The following VWA5A variants were observed in gnomAD, a reference collection of about 807,000 sequenced individuals.
The protein encoded by VWA5A is von Willebrand factor A domain-containing protein 5A.
VWA5A carries 77 observed loss-of-function variants against 84.6 expected under a neutral mutation model. The observed-to-expected ratio is 0.91, with a 90% CI of 0.76 to 1.10. VWA5A has a LOEUF of 1.10. VWA5A is among the 50% of genes least tolerant of loss of function. VWA5A has a pLI of 0.00. For missense variants in VWA5A, 973 were observed against 963.0 expected, an observed-to-expected ratio of 1.01 and a Z score of -0.14; for synonymous variants, 334 against 350.1, an observed-to-expected ratio of 0.95 and a Z score of 0.51.
At chr11:124,145,442 C>T in intron 18 of VWA5A, 79 bp downstream of exon 18, 1 of 1,468,518 alleles carries the variant, frequency 6.8e-7, no homozygotes, top group Non-Finnish European at 9.1e-7. Context: ...GTCCCATTGT[C>T]ACCTGCCTCC....
chr11:124,124,279 G>T lies in VWA5A; in HGVS notation c.1207G>T (p.Val403Leu), dbSNP rs768784128. The T allele has an allele frequency of 6.8e-6, 11 of 1,613,980 alleles. No individual in the cohort carries two copies. Among genetic ancestry groups the T allele is most frequent in the Non-Finnish European group, 9.3e-6 (11 of 1,179,984 alleles). ...TGGAGAAGTTACAGACACGTTTAGT[G>T]TAATTAAAGAAGTTAGGATCAACAG... Reference protein sequence around the residue: ...TDGEVTDTFSVIKEVRINRQK... With the variant: ...TDGEVTDTFSLIKEVRINRQK... Residue 403 changes from valine (V) to leucine (L), a missense_variant, in exon 11 of 19, where the codon GTA becomes TTA. Transcript: ENST00000456829.
At chr11:124,128,034 A>G (rs1039849927) in intron 11 of VWA5A, among the ~76,000 whole-genome samples, 2 of 152,082 alleles carry the variant, frequency 1.3e-5, no homozygotes, top group African/African-American at 2.4e-5. Context: ...CCATTTGTCA[A>G]TTTTGACTTT....
Position 124,117,724 on chromosome 11 carries a change from G to C in VWA5A, c.95G>C (p.Gly32Ala), listed in dbSNP as rs1565613445. The part of the protein sequence containing the change: ...VSVNIYEFVA[G>A]VSATLNYENE... Reference sequence around the variant, plus strand: ...GTGAACATTTACGAGTTTGTGGCTGGTGTGTCTGCAACTTTGAACTACGAG... The same window carrying C: ...GTGAACATTTACGAGTTTGTGGCTGCTGTGTCTGCAACTTTGAACTACGAG... Residue 32 changes from glycine (G) to alanine (A), a missense_variant, in exon 4 of 19, where the codon GGT (glycine) becomes GCT (alanine). Coordinates refer to ENST00000456829, the MANE Select transcript of VWA5A (RefSeq NM_001130142.2). 2.5e-6 allele frequency: 4 copies of C among 1,614,214 alleles called. No homozygotes were observed. Among genetic ancestry groups the C allele is most frequent in the South Asian group, 2.2e-5 (2 of 91,086 alleles).
intron 11 of VWA5A, among the ~76,000 whole-genome samples, chr11:124,126,194 A>G (rs1056315319): frequency 6.6e-6 from 1 of 152,216 alleles, no homozygotes; most frequent in Non-Finnish European, 1.5e-5. Flanking sequence ...TTCATTTCAT[A>G]ACCAAGACTG....
chr11:124,145,013 C>G (rs1377909228), intron 17 of VWA5A, among the ~76,000 whole-genome samples: 1 of 152,132 alleles, frequency 6.6e-6, no homozygotes, highest in Non-Finnish European at 1.5e-5. Context: ...GGTGGTTACA[C>G]TGGATTTAAA....
At chr11:124,122,924 T>A in intron 7 of VWA5A, 36 bp from the exon 8 acceptor site, 1 of 1,580,360 alleles carries the variant, frequency 6.3e-7, no homozygotes, top group Non-Finnish European at 8.6e-7. Context: ...CTTGAGTTCC[T>A]TTTTGTCTTA....
intron 7 of VWA5A, among the ~76,000 whole-genome samples, chr11:124,122,453 T>G (rs943129253): frequency 3.3e-5 from 5 of 152,228 alleles, no homozygotes; most frequent in Non-Finnish European, 5.9e-5. Flanking sequence ...AGACTTACCT[T>G]GGTGGGTATA....
intron 11 of VWA5A, among the ~76,000 whole-genome samples, chr11:124,127,229 A>C (rs1865032048): frequency 6.8e-6 from 1 of 147,038 alleles, no homozygotes. Context: ...ATGTGTTCTC[A>C]TTGTTCAACT....
intron 11 of VWA5A, 192 bp downstream of exon 11, chr11:124,124,508 A>T: frequency 7.4e-7 from 1 of 1,346,230 alleles, no homozygotes. Flanking sequence ...ACAACACAGC[A>T]AAACCATTGT....
intron 11 of VWA5A, among the ~76,000 whole-genome samples, chr11:124,125,689 C>G (rs369168044): frequency 1.3e-5 from 2 of 152,258 alleles, no homozygotes; most frequent in South Asian, 2.1e-4. Flanking sequence ...GCTTTCAAGT[C>G]TTTTTCCTGT....
At chr11:124,135,218 C>A (rs181482706) in intron 12 of VWA5A, among the ~76,000 whole-genome samples, 184 bp downstream of exon 12, 1 of 152,210 alleles carries the variant, frequency 6.6e-6, no homozygotes, top group Non-Finnish European at 1.5e-5. Flanking sequence ...TAGAAGCCCA[C>A]TGTAGTATCT....
chr11:124,127,884 G>C (rs1189600531), intron 11 of VWA5A, among the ~76,000 whole-genome samples: 1 of 151,872 alleles, frequency 6.6e-6, no homozygotes, highest in Non-Finnish European at 1.5e-5. Flanking sequence ...TTGTAAATTT[G>C]TAAGTTCTTT....
intron 17 of VWA5A, among the ~76,000 whole-genome samples, chr11:124,144,710 T>C (rs1161046877): frequency 6.6e-6 from 1 of 152,246 alleles, no homozygotes; most frequent in Non-Finnish European, 1.5e-5. Context: ...TGAGATTTTC[T>C]ATTGAGAAAT....
At chr11:124,133,470 C>A (rs544908064) in intron 11 of VWA5A, among the ~76,000 whole-genome samples, 8 of 152,256 alleles carry the variant, frequency 5.3e-5, no homozygotes, top group African/African-American at 1.9e-4. Context: ...CAGGTCTTGG[C>A]CTATAGATTT....
At chr11:124,141,213 T>C (rs192856294) in intron 15 of VWA5A, among the ~76,000 whole-genome samples, 1 of 152,190 alleles carries the variant, frequency 6.6e-6, no homozygotes, top group African/African-American at 2.4e-5. Context: ...CATCAGGGAC[T>C]GAAGAGGTTG....
intron 11 of VWA5A, 78 bp from the exon 12 acceptor site, chr11:124,134,842 T>G: frequency 4.9e-6 from 5 of 1,021,322 alleles, no homozygotes; most frequent in Non-Finnish European, 7.2e-6. Context: ...TCCTTATGTA[T>G]TTTTGGCCAT....
intron 3 of VWA5A, 24 bp downstream of exon 3, chr11:124,117,578 C>T (rs1565613344): frequency 6.2e-7 from 1 of 1,614,164 alleles, no homozygotes. Context: ...GTGACTCTTA[C>T]TTGCCATTGA....
intron 16 of VWA5A, 77 bp downstream of exon 16, chr11:124,141,818 G>T: frequency 1.3e-6 from 2 of 1,536,712 alleles, no homozygotes; most frequent in East Asian, 2.3e-5. Context: ...CTAAAAGCTT[G>T]TAGTTACAGC....
intron 11 of VWA5A, among the ~76,000 whole-genome samples, chr11:124,131,351 A>T (rs1865094813): frequency 6.6e-6 from 1 of 152,074 alleles, no homozygotes; most frequent in South Asian, 2.1e-4. Flanking sequence ...TCAGAATGGG[A>T]TGCAATTTAA....
Sources: allele counts gnomAD v4.1 joint callset (sites outside exome capture counted in the v4.1 genomes callset), GRCh38; gene constraint gnomAD v4.1.1; transcripts MANE v1.5; gene names NCBI Gene and HGNC (gene_info 2026-07-23, HGNC 2026-07-21).